Variants in TMEM108 observed in about 807,000 individuals in gnomAD.
TMEM108 encodes the protein transmembrane protein 108.
TMEM108 carries 12 observed loss-of-function variants against 35.1 expected under a neutral mutation model. The observed-to-expected ratio is 0.34, with a 90% CI of 0.22 to 0.55. The LOEUF (loss-of-function observed/expected upper bound fraction) is 0.55. Ranked by LOEUF, TMEM108 falls within the 20% of genes least tolerant of loss-of-function variation. The pLI is 0.89. For synonymous variants in TMEM108, 287 were observed against 308.6 expected, an observed-to-expected ratio of 0.93 and a Z score of 0.73; for missense variants, 680 against 753.3, an observed-to-expected ratio of 0.90 and a Z score of 1.14.
At chr3:133,100,136 C>T (rs745348166) in intron 2 of TMEM108, among the ~76,000 whole-genome samples, 19 of 152,042 alleles carry the variant, frequency 1.2e-4, no homozygotes, top group Non-Finnish European at 1.6e-4. Flanking sequence ...ATGGCAGCGG[C>T]GAGAGAAAAA....
At chr3:133,393,723 G>A (rs2107864459) in intron 5 of TMEM108, among the ~76,000 whole-genome samples, 1 of 152,328 alleles carries the variant, frequency 6.6e-6, no homozygotes, top group East Asian at 1.9e-4. Flanking sequence ...CTTTAGGTAT[G>A]GGCTGTGAAC....
At chr3:133,182,155 C>CT (rs1369499222) in intron 2 of TMEM108, among the ~76,000 whole-genome samples, 3 of 151,920 alleles carry the variant, frequency 2.0e-5, no homozygotes, top group Non-Finnish European at 1.5e-5. Context: ...TACATGCTGG[C>CT]TTTTTTTTCC....
At chr3:133,051,441 AT>A (rs1053093078) in intron 2 of TMEM108, among the ~76,000 whole-genome samples, 1 of 151,898 alleles carries the variant, frequency 6.6e-6, no homozygotes, top group Admixed American at 6.6e-5. Flanking sequence ...TTTTGAAAAT[AT>A]TTTTTCCCAA....
intron 2 of TMEM108, among the ~76,000 whole-genome samples, chr3:133,062,862 T>C (rs563792882): frequency 3.6e-4 from 55 of 152,204 alleles, no homozygotes; most frequent in Admixed American, 1.1e-3. Flanking sequence ...ATGAGTGGAG[T>C]GTTGAAGTGA....
chr3:133,121,253 C>A (rs547490272), intron 2 of TMEM108, among the ~76,000 whole-genome samples: 5 of 152,284 alleles, frequency 3.3e-5, no homozygotes, highest in Non-Finnish European at 5.9e-5. Context: ...ATCATGGGGA[C>A]CTGAAGCAGT....
chr3:133,299,457 CTTG>C lies in TMEM108; in HGVS notation c.40+70111_40+70113del, dbSNP rs1033010026. Among the ~76,000 whole-genome samples, 10 of 151,900 alleles carry C rather than the reference CTTG, an allele frequency of 6.6e-5. No homozygotes were observed. The Middle Eastern group carries it at 0.014, about 207-fold the overall frequency. ...CCTTTGGAAGGAGGTGCTAAGGGGACTTGTTGTGAAGCCGTGTTTGCATGGCAA... is the reference window on the plus strand; with the variant it reads ...CCTTTGGAAGGAGGTGCTAAGGGGACTTGTGAAGCCGTGTTTGCATGGCAA... On this transcript the variant is annotated intron_variant, in intron 3 of 5. Transcript: ENST00000321871.
intron 2 of TMEM108, among the ~76,000 whole-genome samples, chr3:133,072,815 C>A (rs568283803): frequency 6.6e-6 from 1 of 152,080 alleles, no homozygotes; most frequent in Non-Finnish European, 1.5e-5. Context: ...CATGCCCTAC[C>A]CCGTTTCCCC....
intron 3 of TMEM108, among the ~76,000 whole-genome samples, chr3:133,283,011 C>A (rs190203778): frequency 3.9e-5 from 6 of 152,194 alleles, no homozygotes; most frequent in African/African-American, 1.2e-4. Flanking sequence ...AACAAGAAAA[C>A]TCAGGAAGGT....
chr3:133,193,615 G>A (rs1444857461), intron 2 of TMEM108, among the ~76,000 whole-genome samples: 1 of 151,770 alleles, frequency 6.6e-6, no homozygotes, highest in Non-Finnish European at 1.5e-5. Flanking sequence ...CAGTGAAACA[G>A]TCCCATCTGG....
chr3:133,152,258 A>G (rs574310164), intron 2 of TMEM108, among the ~76,000 whole-genome samples: 6 of 152,316 alleles, frequency 3.9e-5, no homozygotes, highest in South Asian at 2.1e-4. Context: ...TGTGCAAACA[A>G]TTGGTCTGCT....
intron 2 of TMEM108, among the ~76,000 whole-genome samples, chr3:133,077,298 T>C (rs1181401301): frequency 6.6e-6 from 1 of 152,206 alleles, no homozygotes; most frequent in Non-Finnish European, 1.5e-5. Flanking sequence ...AATTGTGCTT[T>C]GTTATTCTCC....
rs2071838402 is a variant in TMEM108 at position 133,346,990 on chromosome 3, T to TGATCAGTTTCTCTGTTCTTTC, written c.41-32761_41-32741dup. 6.6e-6 allele frequency among the ~76,000 whole-genome samples: 1 copy of TGATCAGTTTCTCTGTTCTTTC among 152,138 alleles called. No individual in the cohort carries two copies. Among genetic ancestry groups the TGATCAGTTTCTCTGTTCTTTC allele is most frequent in the East Asian group, 1.9e-4 (1 of 5,188 alleles). On this transcript the variant is annotated intron_variant, in intron 3 of 5. Coordinates refer to ENST00000321871, the MANE Select transcript of TMEM108 (RefSeq NM_023943.4). This position sits in a 1 kb window ranked among gnomAD's most constrained non-coding sequence, Gnocchi z 4.0. ...GTCTCTGGACCCTATTCTGTTCTGT[T>TGATCAGTTTCTCTGTTCTTTC]GATCAGTTTCTCTGTTCTTTCATCA...
intron 2 of TMEM108, among the ~76,000 whole-genome samples, chr3:133,227,009 A>G (rs542074038): frequency 1.1e-4 from 17 of 152,198 alleles, no homozygotes; most frequent in African/African-American, 4.1e-4. Context: ...TGTGAGATTT[A>G]TTCACTATCA....
chr3:133,388,395 G>A (rs922275197), intron 4 of TMEM108: 9 of 985,288 alleles, frequency 9.1e-6, no homozygotes, highest in Non-Finnish European at 1.1e-5. Flanking sequence ...ATAAGGAGGC[G>A]GCCTGAATTA....
intron 2 of TMEM108, among the ~76,000 whole-genome samples, chr3:133,185,457 C>CA (rs61251464): frequency 0.97 from 145,499 of 150,316 alleles, 70,594 homozygotes; most frequent in East Asian, 1. Context: ...TGTCCAGTAC[C>CA]TACAGGCTTC....
intron 3 of TMEM108, among the ~76,000 whole-genome samples, chr3:133,278,865 C>T (rs1946872662): frequency 6.6e-6 from 1 of 152,164 alleles, no homozygotes; most frequent in Admixed American, 6.5e-5. Context: ...TGCAGACTCT[C>T]AGGCCCCACC....
intron 2 of TMEM108, among the ~76,000 whole-genome samples, chr3:133,069,232 C>A (rs1447416427): frequency 6.6e-6 from 1 of 152,176 alleles, no homozygotes; most frequent in Non-Finnish European, 1.5e-5. Context: ...AATACCATTG[C>A]ATTTATGATT....
chr3:133,173,214 T>G (rs1280963790), intron 2 of TMEM108, among the ~76,000 whole-genome samples: 1 of 152,242 alleles, frequency 6.6e-6, no homozygotes, highest in African/African-American at 2.4e-5. Flanking sequence ...AACGTTGCAC[T>G]GTATAAGTTT....
chr3:133,152,633 A>G (rs913635073), intron 2 of TMEM108, among the ~76,000 whole-genome samples: 11 of 152,094 alleles, frequency 7.2e-5, no homozygotes, highest in Non-Finnish European at 1.5e-5. Flanking sequence ...CTTTGAATGG[A>G]GGAATGAGAA....
Sources: allele counts gnomAD v4.1 joint callset (sites outside exome capture counted in the v4.1 genomes callset), GRCh38; gene constraint gnomAD v4.1.1; non-coding constraint Gnocchi (gnomAD v3.1); transcripts MANE v1.5; gene names NCBI Gene and HGNC (gene_info 2026-07-23, HGNC 2026-07-21).